FBXO42: variants seen among roughly 807,000 people sequenced by gnomAD.
FBXO42 encodes F-box only protein 42.
Under a neutral mutation model 71.7 loss-of-function variants are expected in FBXO42, and 12 were observed. That is an observed-to-expected ratio of 0.17 (90% confidence interval 0.11 to 0.27). The LOEUF (loss-of-function observed/expected upper bound fraction) is 0.27, where lower values mean the gene tolerates loss of function less well. Among genes scored for constraint, FBXO42 ranks in the 10% least tolerant of loss-of-function variants. The probability of loss-of-function intolerance (pLI) is 1.00; values close to 1 mark genes in which losing one functional copy is unlikely to be tolerated. For missense variants in FBXO42, 707 were observed against 911.9 expected (o/e 0.78, Z 2.89); for synonymous variants, 325 against 327.5 (o/e 0.99, Z 0.08).
At position 16,294,900 on chromosome 1, in the gene FBXO42, C is replaced by G. The variant is rs1180943716; in HGVS notation, c.385G>C (p.Ala129Pro). The G allele has an allele frequency of 5.6e-6, 9 of 1,609,428 alleles. No individual in the cohort carries two copies. ...RFSHSACYYD[A>P]NQSMYVFGGC... ...CCAAACACATACATAGACTGATTAG[C>G]ATCATAATAGCATGCACCTAGAAAG... Residue 129 changes from alanine to proline, a missense_variant, in exon 4 of 10, where the codon GCT becomes CCT. Coordinates refer to ENST00000375592, the MANE Select transcript of FBXO42 (RefSeq NM_018994.3).
chr1:16,274,598 T>G (rs558960921), intron 4 of FBXO42, among the ~76,000 whole-genome samples: 26 of 114,232 alleles, frequency 2.3e-4, no homozygotes, highest in South Asian at 1.7e-3. Flanking sequence ...GTTTTTTTTT[T>G]TTTTTTTTTT....
intron 1 of FBXO42, among the ~76,000 whole-genome samples, chr1:16,339,555 C>T (rs2082583478): frequency 6.6e-6 from 1 of 152,122 alleles, no homozygotes; most frequent in Non-Finnish European, 1.5e-5. Context: ...TCATGATCAG[C>T]CCGCCTCAGC....
chr1:16,274,375 A>G (rs1243136120), intron 4 of FBXO42, among the ~76,000 whole-genome samples: 1 of 152,038 alleles, frequency 6.6e-6, no homozygotes, highest in Non-Finnish European at 1.5e-5. Flanking sequence ...GTTAGAAGTC[A>G]GAATAGGAGC....
chr1:16,263,807 C>CTTTT (rs1193282987), intron 4 of FBXO42, among the ~76,000 whole-genome samples: 1 of 126,632 alleles, frequency 7.9e-6, no homozygotes, highest in Non-Finnish European at 1.7e-5. Flanking sequence ...CATACATTAA[C>CTTTT]TTTTTTTTTT....
In FBXO42 at chr1:16,302,399, A is replaced by G. The variant is rs1252018362; in HGVS notation, c.367+3404T>C. On this transcript the variant is annotated intron_variant, in intron 3 of 9. Transcript: ENST00000375592. ...AAGGAAAGAGGTTTAACTGACTCAC[A>G]GTTCCACATGGCTGGAGAGGCCTCA... Among the ~76,000 whole-genome samples the G allele has an allele frequency of 2.6e-5, 4 of 152,260 alleles. No individual in the cohort carries two copies. In the South Asian group the frequency reaches 6.2e-4, roughly 24 times the overall value.
At chr1:16,300,013 A>G (rs180942931) in intron 3 of FBXO42, among the ~76,000 whole-genome samples, 4 of 152,260 alleles carry the variant, frequency 2.6e-5, no homozygotes, top group African/African-American at 4.8e-5. Context: ...TAAGACACCT[A>G]TAGATTGATC....
intron 1 of FBXO42, among the ~76,000 whole-genome samples, chr1:16,346,691 GAA>G (rs557312285): frequency 2.6e-5 from 3 of 114,144 alleles, no homozygotes; most frequent in Non-Finnish European, 3.7e-5. Context: ...CCGTCTCGGG[GAA>G]AAAAAAAAAA....
chr1:16,255,726 A>G lies in FBXO42; in HGVS notation c.752T>C (p.Leu251Ser), dbSNP rs944568793. ...ATGTACTTACATTTGCCGGGATCCT[A>G]AAGAGCCACCAAAGACAATCATTTT... ...DDKMIVFGGS[L>S]GSRQMSNDVW... Residue 251 changes from leucine to serine, a missense_variant, in exon 6 of 10, where the codon TTA becomes TCA. Physicochemically the swap from Leu to Ser is moderately radical, Grantham distance 145 (BLOSUM62 -2). This residue lies in a region of FBXO42 where 482 missense variants were observed against 587.1 expected (regional missense o/e 0.82). Coordinates refer to ENST00000375592, the MANE Select transcript of FBXO42 (RefSeq NM_018994.3). 26 of 1,613,830 alleles carry G rather than the reference A, an allele frequency of 1.6e-5. No individual in the cohort carries two copies. Among genetic ancestry groups the G allele is most frequent in the Non-Finnish European group, 2.1e-5 (25 of 1,179,880 alleles).
At chr1:16,307,957 G>A (rs1043927179) in intron 2 of FBXO42, among the ~76,000 whole-genome samples, 2 of 152,136 alleles carry the variant, frequency 1.3e-5, no homozygotes, top group Non-Finnish European at 2.9e-5. Context: ...ATGTGGAGAA[G>A]CACAAGACCC....
intron 4 of FBXO42, among the ~76,000 whole-genome samples, chr1:16,269,673 G>A (rs2081817871): frequency 1.3e-5 from 2 of 151,810 alleles, no homozygotes; most frequent in African/African-American, 4.8e-5. Context: ...TTACAGGCAT[G>A]AGCCACCATG....
intron 1 of FBXO42, among the ~76,000 whole-genome samples, chr1:16,344,668 C>T (rs1238640432): frequency 1.3e-5 from 2 of 151,854 alleles, no homozygotes; most frequent in Admixed American, 6.6e-5. Flanking sequence ...CTTATACATA[C>T]ATAGGATAAA....
At chr1:16,329,923 T>C (rs895142233) in intron 1 of FBXO42, among the ~76,000 whole-genome samples, 3 of 149,558 alleles carry the variant, frequency 2.0e-5, no homozygotes, top group Non-Finnish European at 4.5e-5. Context: ...CACTCCAGCC[T>C]GGGAAACAGA....
chr1:16,329,753 G>C (rs1185195036), intron 1 of FBXO42, among the ~76,000 whole-genome samples: 2 of 151,860 alleles, frequency 1.3e-5, no homozygotes, highest in Non-Finnish European at 1.5e-5. Context: ...TTTGAGACCA[G>C]CCTGGCCAAC....
chr1:16,252,293 A>T lies in FBXO42; in HGVS notation c.1033T>A (p.Cys345Ser), dbSNP rs2100425025. The part of the protein sequence containing the change: ...GAPELWCHPA[C>S]RVGQCVVVFS... ...CCTGTCAGCTCCCTGCTTACCCGGC[A>T]AGCTGGATGGCACCACAGTTCTGGG... The change falls in exon 9 of 10, where the codon TGC (cysteine) becomes AGC (serine). Residue 345 changes from cysteine (C) to serine (S), a missense_variant. Coordinates refer to ENST00000375592, the MANE Select transcript of FBXO42 (RefSeq NM_018994.3). The surrounding 1 kb of genome is among the most constrained non-coding windows in gnomAD (Gnocchi z 4.4). 1.9e-6 allele frequency: 3 copies of T among 1,613,628 alleles called. No individual in the cohort carries two copies. Among genetic ancestry groups the T allele is most frequent in the East Asian group, 4.5e-5 (2 of 44,890 alleles).
Position 16,313,100 on chromosome 1 carries a change from A to G in FBXO42, c.250+2069T>C, listed in dbSNP as rs2082328865. On this transcript the variant is annotated intron_variant, in intron 2 of 9. Transcript: ENST00000375592. ...GTGTTCCACTGTGTCCGCTCAGAGG[A>G]ATTTGTTTCTCCTACTCAATTTTGC... is the stretch of plus-strand genomic sequence containing the variant. Among the ~76,000 whole-genome samples, 3 of 151,902 alleles carry G rather than the reference A, an allele frequency of 2.0e-5. No homozygotes were observed. In the South Asian group the frequency reaches 6.2e-4, roughly 32 times the overall value.
intron 4 of FBXO42, among the ~76,000 whole-genome samples, chr1:16,285,294 T>C (rs1219652312): frequency 6.6e-6 from 1 of 151,984 alleles, no homozygotes; most frequent in African/African-American, 2.4e-5. Flanking sequence ...CTTTAACTTC[T>C]GTCTTCCCAT....
intron 1 of FBXO42, among the ~76,000 whole-genome samples, chr1:16,322,098 CA>C (rs2082413648): frequency 1.3e-5 from 2 of 152,026 alleles, no homozygotes; most frequent in Non-Finnish European, 2.9e-5. Flanking sequence ...TTAGTATATC[CA>C]GAAAATGGTA....
chr1:16,338,831 G>A (rs149655321), intron 1 of FBXO42, among the ~76,000 whole-genome samples: 1 of 63,102 alleles, frequency 1.6e-5, no homozygotes, highest in African/African-American at 5.3e-5. Context: ...TTTTTTTTGA[G>A]ACGGTGTTTC....
chr1:16,323,794 C>CAAAAAAA (rs1158421632), intron 1 of FBXO42, among the ~76,000 whole-genome samples: 44 of 63,056 alleles, frequency 7.0e-4, no homozygotes, highest in African/African-American at 9.8e-4. Context: ...GACTCTGTCT[C>CAAAAAAA]AAAAAAAAAA....
Sources: allele counts gnomAD v4.1 joint callset (sites outside exome capture counted in the v4.1 genomes callset), GRCh38; gene constraint gnomAD v4.1.1; regional missense constraint gnomAD v4.1.1; non-coding constraint Gnocchi (gnomAD v3.1); transcripts MANE v1.5; gene names NCBI Gene and HGNC (gene_info 2026-07-23, HGNC 2026-07-21).